SMARCA2: variants seen among roughly 807,000 people sequenced by gnomAD.
SMARCA2 encodes the protein SWI/SNF-related matrix-associated actin-dependent regulator of chromatin subfamily A member 2.
A neutral mutation model predicts 199.8 loss-of-function variants in SMARCA2; 61 were observed. That is an observed-to-expected ratio of 0.31 (90% CI 0.25 to 0.38). The LOEUF (loss-of-function observed/expected upper bound fraction) is 0.38. SMARCA2 is among the 10% of genes least tolerant of loss of function. The probability of loss-of-function intolerance (pLI) is 1.00; values close to 1 mark genes in which losing one functional copy is unlikely to be tolerated. For synonymous variants in SMARCA2, 935 were observed against 732.0 expected, an observed-to-expected ratio of 1.28 and a Z score of -4.48; for missense variants, 1,344 against 2,012.2, an observed-to-expected ratio of 0.67 and a Z score of 6.35.
intron 3 of SMARCA2, among the ~76,000 whole-genome samples, chr9:2,034,148 G>C (rs1819207247): frequency 6.6e-6 from 1 of 151,388 alleles, no homozygotes; most frequent in Admixed American, 6.6e-5. Flanking sequence ...GGGAGGCTGA[G>C]GCATGAGAAT....
At chr9:2,113,445 C>G (rs919402053) in intron 24 of SMARCA2, among the ~76,000 whole-genome samples, 2 of 152,130 alleles carry the variant, frequency 1.3e-5, no homozygotes, top group Non-Finnish European at 2.9e-5. Context: ...ATTATCAGAC[C>G]TAAGTCAGTG....
chr9:2,159,307 T>A, intron 27 of SMARCA2: 1 of 320,960 alleles, frequency 3.1e-6, no homozygotes. Flanking sequence ...TTCTGAATTT[T>A]CTTTAAAGAG....
intron 27 of SMARCA2, among the ~76,000 whole-genome samples, chr9:2,150,629 C>G (rs1173027008): frequency 6.6e-6 from 1 of 151,602 alleles, no homozygotes; most frequent in African/African-American, 2.4e-5. Flanking sequence ...TACACATTCC[C>G]ATCACTGGAT....
intron 8 of SMARCA2, among the ~76,000 whole-genome samples, chr9:2,060,614 C>T (rs1387612988): frequency 1.3e-5 from 2 of 152,218 alleles, no homozygotes; most frequent in African/African-American, 4.8e-5. Flanking sequence ...CTGTAAACTC[C>T]AGTGTCCTGG....
Position 2,170,382 on chromosome 9 carries a change from G to C in SMARCA2, c.4200-37G>C. 1 of 1,613,716 alleles carries C rather than the reference G, an allele frequency of 6.2e-7. No homozygotes were observed. The highest frequency in any genetic ancestry group is 2.2e-5 in the East Asian group (1 of 44,822). ...GAGCCGGGCGGGGACGAGAACCCAG[G>C]TCTTCTGACTCTAGTGTTCTTTCTA... On this transcript the variant is annotated intron_variant, in intron 28 of 33. Coordinates refer to ENST00000349721, the MANE Select transcript of SMARCA2 (RefSeq NM_003070.5). This position sits in a 1 kb window ranked among gnomAD's most constrained non-coding sequence, Gnocchi z 4.7.
At position 2,169,085 on chromosome 9, in the gene SMARCA2, C is replaced by T. The variant is rs181070817; in HGVS notation, c.4200-1334C>T. 6.6e-6 allele frequency among the ~76,000 whole-genome samples: 1 copy of T among 152,184 alleles called. No individual in the cohort carries two copies. Among genetic ancestry groups the T allele is most frequent in the Non-Finnish European group, 1.5e-5 (1 of 68,036 alleles). ...GGTCCTAAAAGTGAAATAATGAAGA[C>T]TTTCCCAATTCTGTGCCTTATTGCT... On this transcript the variant is annotated intron_variant, in intron 28 of 33. Transcript: ENST00000349721. This position sits in a 1 kb window ranked among gnomAD's most constrained non-coding sequence, Gnocchi z 6.5.
chr9:2,183,423 C>G (rs1010757409), intron 31 of SMARCA2, among the ~76,000 whole-genome samples: 1 of 152,178 alleles, frequency 6.6e-6, no homozygotes, highest in Non-Finnish European at 1.5e-5. Flanking sequence ...GGTGAGGGCA[C>G]TTTCATTTTA....
intron 3 of SMARCA2, among the ~76,000 whole-genome samples, chr9:2,035,843 T>G (rs1819306454): frequency 6.6e-6 from 1 of 152,242 alleles, no homozygotes; most frequent in South Asian, 2.1e-4. Flanking sequence ...GGGTATATTT[T>G]TGAATAAAGC....
At chr9:2,160,653 C>G (rs576683224) in intron 27 of SMARCA2, 9 of 698,726 alleles carry the variant, frequency 1.3e-5, no homozygotes, top group Non-Finnish European at 2.4e-5. Context: ...CTTTCAGCTA[C>G]GAGAAAGGAT....
chr9:2,075,277 G>A (rs148995344), intron 12 of SMARCA2: 1 of 152,420 alleles, frequency 6.6e-6, no homozygotes. Flanking sequence ...TTTTCTCCTT[G>A]ATAGTTTGTC....
At chr9:2,050,440 C>T (rs1820067814) in intron 5 of SMARCA2, among the ~76,000 whole-genome samples, 1 of 151,986 alleles carries the variant, frequency 6.6e-6, no homozygotes. Flanking sequence ...GGAATCATCA[C>T]ATTGGCATGT....
At chr9:2,085,607 A>T (rs1282344780) in intron 17 of SMARCA2, 1 of 151,628 alleles carries the variant, frequency 6.6e-6, no homozygotes, top group Non-Finnish European at 1.5e-5. Context: ...ATCCTTAAAC[A>T]CTTTTCTTAG....
At position 2,110,069 on chromosome 9, in the gene SMARCA2, C is replaced by CT. The variant is rs1196309672; in HGVS notation, c.3293-176dup. Among the ~76,000 whole-genome samples, 4 of 151,418 alleles carry CT rather than the reference C, an allele frequency of 2.6e-5. No homozygotes were observed. Among genetic ancestry groups the CT allele is most frequent in the South Asian group, 2.1e-4 (1 of 4,780 alleles). On this transcript the variant is annotated intron_variant, in intron 23 of 33. Coordinates refer to ENST00000349721, the MANE Select transcript of SMARCA2 (RefSeq NM_003070.5). The surrounding 1 kb of genome is among the most constrained non-coding windows in gnomAD (Gnocchi z 4.8). ...TTAGAAATGTTTAAGCTGTTTCTTTCTTTTTTTTTGTAATTGCAAAATGTT... is the reference window on the plus strand; with the variant it reads ...TTAGAAATGTTTAAGCTGTTTCTTTCTTTTTTTTTTGTAATTGCAAAATGTT...
chr9:2,188,243 A>C (rs574879108), intron 32 of SMARCA2, among the ~76,000 whole-genome samples: 2 of 152,222 alleles, frequency 1.3e-5, no homozygotes, highest in East Asian at 3.9e-4. Context: ...GTAACGTGTT[A>C]ATTATACTCT....
intron 19 of SMARCA2, 73 bp from the exon 20 acceptor site, chr9:2,096,584 G>A (rs2130525300): frequency 2.2e-6 from 2 of 897,608 alleles, no homozygotes; most frequent in Middle Eastern, 5.4e-4. Context: ...GAGTGACACT[G>A]ACTCAGCAGT....
intron 9 of SMARCA2, among the ~76,000 whole-genome samples, chr9:2,064,171 G>A (rs1023213879): frequency 1.3e-5 from 2 of 152,210 alleles, no homozygotes; most frequent in Non-Finnish European, 2.9e-5. Context: ...GTAGAACTAG[G>A]ATTGAACATG....
At chr9:2,070,324 A>G (rs1232761234) in intron 9 of SMARCA2, 94 bp from the exon 10 acceptor site, 4 of 956,740 alleles carry the variant, frequency 4.2e-6, no homozygotes, top group Non-Finnish European at 6.7e-6. Flanking sequence ...TAATGGGGTA[A>G]CAATGAAATC....
At chr9:2,097,347 A>G (rs1203289877) in intron 20 of SMARCA2, 38 bp from the exon 21 acceptor site, 31 of 1,292,802 alleles carry the variant, frequency 2.4e-5, no homozygotes, top group East Asian at 2.1e-4. Context: ...TGACCAGTTA[A>G]TAATTAATTC....
Position 2,063,530 on chromosome 9 carries a change from A to G in SMARCA2, c.1692+2544A>G, listed in dbSNP as rs78320116. On this transcript the variant is annotated intron_variant, in intron 9 of 33. Transcript: ENST00000349721. The stretch of plus-strand genomic sequence containing the variant: ...ACCTATCAATATTTTTTAAATTAAC[A>G]AATACTTCAATAAACCTTTGTTTTG... Among the ~76,000 whole-genome samples the G allele has an allele frequency of 6.0e-3, 912 of 152,286 alleles. 9 individuals carry two copies. The highest frequency in any genetic ancestry group is 0.034 in the Middle Eastern group (10 of 294).
Sources: allele counts gnomAD v4.1 joint callset (sites outside exome capture counted in the v4.1 genomes callset), GRCh38; gene constraint gnomAD v4.1.1; non-coding constraint Gnocchi (gnomAD v3.1); transcripts MANE v1.5; gene names NCBI Gene and HGNC (gene_info 2026-07-23, HGNC 2026-07-21).